The following NBPF9 variants were observed in gnomAD, a reference collection of about 807,000 sequenced individuals.
The protein encoded by NBPF9 is NBPF family member NBPF9.
Under a neutral mutation model 97.8 loss-of-function variants are expected in NBPF9, and 91 were observed. The ratio of observed to expected loss-of-function variants is 0.93; its 90% CI spans 0.79 to 1.11. The LOEUF (loss-of-function observed/expected upper bound fraction) is 1.11. Among genes scored for constraint, NBPF9 ranks in the 50% least tolerant of loss-of-function variants. The pLI is 0.00. For missense variants in NBPF9, 992 were observed against 939.5 expected (o/e 1.06, Z -0.73); for synonymous variants, 334 against 359.5 (o/e 0.93, Z 0.80).
rs781845376 is a variant in NBPF9, at chr1:149,075,642, C to A, written c.988+13G>T. On this transcript the variant is annotated intron_variant, in intron 12 of 29. Transcript: ENST00000584027. Reference sequence around the variant, plus strand: ...GTTCATCACTTTCGTGATGGTGAGCCTATAGATCTTACTGTATTTGTTCTG... The same window carrying A: ...GTTCATCACTTTCGTGATGGTGAGCATATAGATCTTACTGTATTTGTTCTG... 33 of 1,606,128 alleles carry A rather than the reference C, an allele frequency of 2.1e-5. 1 individual carries two copies. Among genetic ancestry groups the A allele is most frequent in the Non-Finnish European group, 2.5e-5 (29 of 1,174,348 alleles).
chr1:149,068,029 G>C (rs1252681119), intron 17 of NBPF9, among the ~76,000 whole-genome samples: 1 of 146,186 alleles, frequency 6.8e-6, no homozygotes, highest in Non-Finnish European at 1.5e-5. Flanking sequence ...GCCAAACAAA[G>C]CTTCATAAGT....
intron 12 of NBPF9, among the ~76,000 whole-genome samples, chr1:149,075,439 C>G (rs2079776196): frequency 1.3e-5 from 2 of 152,322 alleles, no homozygotes; most frequent in Admixed American, 6.5e-5. Flanking sequence ...CAGTTTAACT[C>G]TAGTCCCACC....
intron 5 of NBPF9, among the ~76,000 whole-genome samples, chr1:149,088,665 C>T (rs2081203329): frequency 6.6e-6 from 1 of 151,270 alleles, no homozygotes; most frequent in Non-Finnish European, 1.5e-5. Flanking sequence ...CTGTGTATGA[C>T]AAGGTAATCA....
chr1:149,067,678 T>C lies in NBPF9; in HGVS notation c.1637+1916A>G, dbSNP rs1425666126. On this transcript the variant is annotated intron_variant, in intron 17 of 29. Transcript: ENST00000584027. Reference sequence around the variant, plus strand: ...TAGCTGCATAGTATTCCATGGTGTATATGTGCCACATTTTCTTAATCCAGT... The same window carrying C: ...TAGCTGCATAGTATTCCATGGTGTACATGTGCCACATTTTCTTAATCCAGT... Among the ~76,000 whole-genome samples the C allele has an allele frequency of 6.7e-4, 101 of 150,150 alleles. 4 individuals are homozygous for C. The highest frequency in any genetic ancestry group is 3.4e-3 in the Middle Eastern group (1 of 292).
intron 17 of NBPF9, among the ~76,000 whole-genome samples, chr1:149,069,283 A>C (rs1199189010): frequency 2.6e-5 from 4 of 151,762 alleles, no homozygotes; most frequent in African/African-American, 9.7e-5. Context: ...GAGCAGAACT[A>C]AAGGAGATAG....
intron 2 of NBPF9, among the ~76,000 whole-genome samples, chr1:149,101,886 C>CTG (rs1423434039): frequency 2.9e-5 from 4 of 139,854 alleles, no homozygotes; most frequent in South Asian, 2.3e-4. Flanking sequence ...ATTTCTTGAT[C>CTG]TGTGGTGGTT....
At chr1:149,088,429 A>G (rs1215082075) in intron 5 of NBPF9, among the ~76,000 whole-genome samples, 1 of 152,238 alleles carries the variant, frequency 6.6e-6, no homozygotes, top group Non-Finnish European at 1.5e-5. Flanking sequence ...GAGCTCTAGT[A>G]TAATGCTGAA....
intron 12 of NBPF9, 58 bp from the exon 13 acceptor site, chr1:149,073,928 C>G (rs1392837015): frequency 4.1e-6 from 5 of 1,217,734 alleles, no homozygotes; most frequent in Middle Eastern, 2.7e-4. Flanking sequence ...GCTGTGGTCA[C>G]TGCCTACAGG....
intron 19 of NBPF9, among the ~76,000 whole-genome samples, chr1:149,064,071 CTGA>C (rs2078852486): frequency 7.3e-6 from 1 of 137,112 alleles, no homozygotes; most frequent in East Asian, 2.0e-4. Flanking sequence ...AGGTGACACA[CTGA>C]TGAGGGAGTC....
Position 149,087,430 on chromosome 1 carries a change from T to C in NBPF9, c.-195+3323A>G, listed in dbSNP as rs1485409211. Among the ~76,000 whole-genome samples, 3 of 151,114 alleles carry C rather than the reference T, an allele frequency of 2.0e-5. No homozygotes were observed. In the South Asian group the frequency reaches 6.3e-4, roughly 32 times the overall value. On this transcript the variant is annotated intron_variant, in intron 5 of 29. Coordinates refer to ENST00000584027, the Ensembl canonical transcript of NBPF9. ...ATACATGTGAGTATCTATTTCTGGA[T>C]TCTCTCTTCTCTTCCACTGATATAT...
At chr1:149,094,444 A>G (rs1364301250) in intron 4 of NBPF9, among the ~76,000 whole-genome samples, 1 of 132,426 alleles carries the variant, frequency 7.6e-6, no homozygotes, top group East Asian at 2.2e-4. Flanking sequence ...ATATAATGAA[A>G]TCTGCTTTCC....
chr1:149,068,392 C>G (rs1289147789), intron 17 of NBPF9, among the ~76,000 whole-genome samples: 11 of 150,926 alleles, frequency 7.3e-5, no homozygotes, highest in African/African-American at 2.7e-4. Flanking sequence ...ATCTCACATG[C>G]AGAGACACAC....
At chr1:149,095,443 T>C (rs1473056639) in intron 4 of NBPF9, among the ~76,000 whole-genome samples, 2 of 145,212 alleles carry the variant, frequency 1.4e-5, no homozygotes. Flanking sequence ...CACAATCTAC[T>C]AATGAAAAAA....
chr1:149,072,744 T>G (rs782293546), exon 14 of NBPF9: 368 of 1,611,302 alleles, frequency 2.3e-4, no homozygotes, highest in Non-Finnish European at 2.8e-4. Flanking sequence ...GACAAGGTGC[T>G]GTGCCAGTCT....
chr1:149,085,400 G>A (rs1490094689), intron 5 of NBPF9, among the ~76,000 whole-genome samples: 12 of 152,100 alleles, frequency 7.9e-5, no homozygotes, highest in Non-Finnish European at 1.8e-4. Context: ...AGCAGAGTAA[G>A]TCCTCCAACT....
Position 149,062,768 on chromosome 1 carries a change from G to C in NBPF9, c.2078+94C>G, listed in dbSNP as rs1201934110. On this transcript the variant is annotated intron_variant, in intron 21 of 29. Coordinates refer to ENST00000584027, the Ensembl canonical transcript of NBPF9. ...CAGTAGGAGTAATTCAACCTCCGTT[G>C]AAAACATGAAATTGAACACACTCTT... 8 of 773,540 alleles carry C rather than the reference G, an allele frequency of 1.0e-5. No homozygotes were observed. The African/African-American group carries it at 1.4e-4, about 13-fold the overall frequency. 47.9% of individuals were successfully genotyped at this position (773,540 alleles called of 1,614,324 possible).
intron 29 of NBPF9, among the ~76,000 whole-genome samples, 168 bp from the exon 30 acceptor site, chr1:149,056,067 C>T (rs1183249253): frequency 2.6e-5 from 4 of 151,480 alleles, no homozygotes; most frequent in South Asian, 2.1e-4. Context: ...TAGAACAGGG[C>T]CAGGTAGAAA....
exon 1 of NBPF9, chr1:149,103,403 T>G (rs1553663799): frequency 1.3e-5 from 2 of 152,172 alleles, no homozygotes; most frequent in Admixed American, 6.5e-5. Context: ...AGGTCGCCCG[T>G]CCCGCGTTCC....
rs1301171037 is a variant in NBPF9, at chr1:149,059,599, C to A, written c.2585+101G>T. 20 of 509,404 alleles carry A rather than the reference C, an allele frequency of 3.9e-5. 4 individuals carry two copies. The highest frequency in any genetic ancestry group is 2.2e-4 in the African/African-American group (9 of 40,258). 31.6% of individuals were successfully genotyped at this position (509,404 alleles called of 1,614,324 possible). A position where few individuals can be genotyped will look rare whatever the true frequency, so the allele number is the denominator to read the frequency against. ...AGCAATGACAGTAGGAGTAATTCAG[C>A]CTTCGTTGAAAACGTGACATCAAAC... On this transcript the variant is annotated intron_variant, in intron 25 of 29. Transcript: ENST00000584027.
Sources: gnomAD v4.1 joint callset for allele counts (sites outside exome capture counted in the v4.1 genomes callset) on GRCh38, gnomAD v4.1.1 for gene constraint, MANE v1.5 for transcripts, NCBI Gene and HGNC (gene_info 2026-07-23, HGNC 2026-07-21) for gene names.